The following PANK4 variants were observed in gnomAD, a reference collection of about 807,000 sequenced individuals.
PANK4 encodes the protein pantothenate kinase 4 (inactive).
PANK4 carries 40 observed loss-of-function variants against 87.9 expected under a neutral mutation model. That is an observed-to-expected ratio of 0.46 (90% CI 0.35 to 0.59). The LOEUF (loss-of-function observed/expected upper bound fraction) is 0.59, where lower values mean the gene tolerates loss of function less well. Ranked by LOEUF, PANK4 falls within the 20% of genes least tolerant of loss-of-function variation. PANK4 has a pLI of 0.00. For missense variants in PANK4, 926 were observed against 1,072.3 expected (o/e 0.86, Z 1.90); for synonymous variants, 524 against 467.4 (o/e 1.12, Z -1.56).
chr1:2,514,953 C>T (rs2100778107), intron 10 of PANK4, among the ~76,000 whole-genome samples: 1 of 152,204 alleles, frequency 6.6e-6, no homozygotes, highest in Admixed American at 6.5e-5. Flanking sequence ...TCTGGGCACT[C>T]AGAGCTCACT....
In PANK4 at chr1:2,512,662, G is replaced by A. The variant is rs1272169484; in HGVS notation, c.1727+226C>T. 1.1e-5 allele frequency: 6 copies of A among 553,398 alleles called. No individual in the cohort carries two copies. In the Admixed American group the frequency reaches 1.7e-4, roughly 16 times the overall value. 34.3% of individuals were successfully genotyped at this position (553,398 alleles called of 1,614,324 possible). A position where few individuals can be genotyped will look rare whatever the true frequency, so the allele number is the denominator to read the frequency against. On this transcript the variant is annotated intron_variant, in intron 13 of 18. Coordinates refer to ENST00000378466, the MANE Select transcript of PANK4 (RefSeq NM_018216.4). ...AGGCCTCTGCGGCACCCATGCTTAA[G>A]GAAGGGGCCTCCTCAGAACCTGAGG...
Position 2,510,610 on chromosome 1 carries a change from G to A in PANK4, c.1938+68C>T, listed in dbSNP as rs1363786006. On this transcript the variant is annotated intron_variant, in intron 16 of 18. Transcript: ENST00000378466. The surrounding 1 kb of genome is among the most constrained non-coding windows in gnomAD (Gnocchi z 4.9). ...CCCCGACCACCGCCAGAGGCCCACAGCGGCGCCAACCCCACCGAGAGCAGA... is the reference window on the plus strand; with the variant it reads ...CCCCGACCACCGCCAGAGGCCCACAACGGCGCCAACCCCACCGAGAGCAGA... 2 of 932,350 alleles carry A rather than the reference G, an allele frequency of 2.1e-6. No homozygotes were observed. The highest frequency in any genetic ancestry group is 3.5e-6 in the Non-Finnish European group (2 of 578,702). The allele number at this position is 932,350 out of a possible 1,614,324, so 57.8% of individuals were successfully genotyped here.
chr1:2,521,528 C>A, intron 2 of PANK4, 190 bp downstream of exon 2: 1 of 696,634 alleles, frequency 1.4e-6, no homozygotes, highest in Admixed American at 2.1e-5. Context: ...GGAGCACAGG[C>A]GGGCGCAGGT....
At position 2,510,810 on chromosome 1, in the gene PANK4, T is replaced by C. The variant is rs780348771; in HGVS notation, c.1834-28A>G. On this transcript the variant is annotated intron_variant, in intron 15 of 18. Transcript: ENST00000378466. This position sits in a 1 kb window ranked among gnomAD's most constrained non-coding sequence, Gnocchi z 4.9. The stretch of plus-strand genomic sequence containing the variant: ...GTAAGACAAAACCAGGACGTTCAGT[T>C]GGGAACAGGCGCATCCAAGCGAGTC... 7 of 1,342,912 alleles carry C rather than the reference T, an allele frequency of 5.2e-6. No homozygotes were observed. Among genetic ancestry groups the C allele is most frequent in the Non-Finnish European group, 7.5e-6 (7 of 933,636 alleles). The allele number at this position is 1,342,912 out of a possible 1,614,324, so 83.2% of individuals were successfully genotyped here.
chr1:2,515,996 A>C lies in PANK4; in HGVS notation c.1219-279T>G. On this transcript the variant is annotated intron_variant, in intron 9 of 18. Transcript: ENST00000378466. This position sits in a 1 kb window ranked among gnomAD's most constrained non-coding sequence, Gnocchi z 5.0. ...TCCCCGCTGCAGCCACACCTCCCCA[A>C]TCACCGCTGCAGTCACCCTCCCATC... The C allele has an allele frequency of 2.9e-5, 15 of 509,726 alleles. No individual in the cohort carries two copies. Among genetic ancestry groups the C allele is most frequent in the East Asian group, 7.0e-5 (2 of 28,754 alleles). 31.6% of individuals were successfully genotyped at this position (509,726 alleles called of 1,614,324 possible).
intron 1 of PANK4, among the ~76,000 whole-genome samples, chr1:2,522,690 G>A (rs571920650): frequency 1.3e-5 from 2 of 152,390 alleles, no homozygotes; most frequent in Admixed American, 6.5e-5. Flanking sequence ...TGCATTGCGC[G>A]GTGCTACAGT....
intron 2 of PANK4, 91 bp downstream of exon 2, chr1:2,521,627 A>C: frequency 9.8e-7 from 1 of 1,023,026 alleles, no homozygotes; most frequent in Non-Finnish European, 1.6e-6. Flanking sequence ...CGAGGTCTGC[A>C]GCAGCAGAGG....
In PANK4 at chr1:2,509,782, G is replaced by A. The variant is rs570663237; in HGVS notation, c.2108+80C>T. On this transcript the variant is annotated intron_variant, in intron 18 of 18. Coordinates refer to ENST00000378466, the MANE Select transcript of PANK4 (RefSeq NM_018216.4). The surrounding 1 kb of genome is among the most constrained non-coding windows in gnomAD (Gnocchi z 4.9). ...GGGGCAGTCCTGAGGTCGGTGTCCC[G>A]CATGCACCTGGGTGCAGGTGCACGG... 5.6e-5 allele frequency: 71 copies of A among 1,267,984 alleles called. No homozygotes were observed. In the African/African-American group the frequency reaches 8.8e-4, roughly 16 times the overall value. 78.5% of individuals were successfully genotyped at this position (1,267,984 alleles called of 1,614,324 possible).
chr1:2,510,114 G>C lies in PANK4; in HGVS notation c.1982C>G (p.Thr661Ser), dbSNP rs1423078308. The C allele has an allele frequency of 6.2e-7, 1 of 1,610,846 alleles. No individual in the cohort carries two copies. The highest frequency in any genetic ancestry group is 2.2e-5 in the East Asian group (1 of 44,726). ...TGCCACGATGAGGGACTCGCTGTGG[G>C]TCACGTCGTTCAGGGCGGGGCCTGA... ...CNSGPALNDV[T>S]HSESLIVAER... Residue 661 changes from threonine (T) to serine (S), a missense_variant, in exon 17 of 19, where the codon ACC (threonine) becomes AGC (serine). Coordinates refer to ENST00000378466, the MANE Select transcript of PANK4 (RefSeq NM_018216.4). This position sits in a 1 kb window ranked among gnomAD's most constrained non-coding sequence, Gnocchi z 4.9.
Position 2,508,753 on chromosome 1 carries a change from A to G in PANK4, c.*94T>C, listed in dbSNP as rs1643609999. On this transcript the variant is annotated 3_prime_UTR_variant, in exon 19 of 19. Coordinates refer to ENST00000378466, the MANE Select transcript of PANK4 (RefSeq NM_018216.4). The surrounding 1 kb of genome is among the most constrained non-coding windows in gnomAD (Gnocchi z 5.1). Reference sequence around the variant, plus strand: ...GTATGTGCCGCGTCACAGCAGTACCATATAAATACGTTGATTTGAACGCAG... The same window carrying G: ...GTATGTGCCGCGTCACAGCAGTACCGTATAAATACGTTGATTTGAACGCAG... 3.9e-6 allele frequency: 3 copies of G among 774,252 alleles called. No individual in the cohort carries two copies. The highest frequency in any genetic ancestry group is 1.6e-5 in the South Asian group (1 of 61,092). 48.0% of individuals were successfully genotyped at this position (774,252 alleles called of 1,614,324 possible).
chr1:2,509,994 CA>C lies in PANK4; in HGVS notation c.2039+62del. 1.3e-6 allele frequency: 2 copies of C among 1,577,854 alleles called. No homozygotes were observed. Among genetic ancestry groups the C allele is most frequent in the South Asian group, 2.3e-5 (2 of 88,352 alleles). ...CAGTTCAGTGACAATCCCCATGGCC[CA>C]CTCTGCCCAGCTGGTGCCCCTCCCC... On this transcript the variant is annotated intron_variant, in intron 17 of 18. Coordinates refer to ENST00000378466, the MANE Select transcript of PANK4 (RefSeq NM_018216.4). The surrounding 1 kb of genome is among the most constrained non-coding windows in gnomAD (Gnocchi z 4.9).
At position 2,509,776 on chromosome 1, in the gene PANK4, T is replaced by C. The variant is rs1040081240; in HGVS notation, c.2108+86A>G. On this transcript the variant is annotated intron_variant, in intron 18 of 18. Transcript: ENST00000378466. The surrounding 1 kb of genome is among the most constrained non-coding windows in gnomAD (Gnocchi z 4.9). Reference sequence around the variant, plus strand: ...GCCGCAGGGGCAGTCCTGAGGTCGGTGTCCCGCATGCACCTGGGTGCAGGT... The same window carrying C: ...GCCGCAGGGGCAGTCCTGAGGTCGGCGTCCCGCATGCACCTGGGTGCAGGT... 2 of 1,197,836 alleles carry C rather than the reference T, an allele frequency of 1.7e-6. No individual in the cohort carries two copies. Among genetic ancestry groups the C allele is most frequent in the Non-Finnish European group, 2.5e-6 (2 of 815,844 alleles). The allele number at this position is 1,197,836 out of a possible 1,614,324, so 74.2% of individuals were successfully genotyped here. A position where few individuals can be genotyped will look rare whatever the true frequency, so the allele number is the denominator to read the frequency against.
chr1:2,520,548 C>T lies in PANK4; in HGVS notation c.607-134G>A, dbSNP rs1225341533. Reference sequence around the variant, plus strand: ...CCGCCAGTGGGAGGACTCTCATGGCCAAGCCTGGGGGCGCTGATGCCCCTC... The same window carrying T: ...CCGCCAGTGGGAGGACTCTCATGGCTAAGCCTGGGGGCGCTGATGCCCCTC... On this transcript the variant is annotated intron_variant, in intron 4 of 18. Transcript: ENST00000378466. This position sits in a 1 kb window ranked among gnomAD's most constrained non-coding sequence, Gnocchi z 6.2. The T allele has an allele frequency of 4.2e-6, 4 of 952,680 alleles. No individual in the cohort carries two copies. Among genetic ancestry groups the T allele is most frequent in the Admixed American group, 2.2e-5 (1 of 44,458 alleles). 59.0% of individuals were successfully genotyped at this position (952,680 alleles called of 1,614,324 possible). A position where few individuals can be genotyped will look rare whatever the true frequency, so the allele number is the denominator to read the frequency against.
At chr1:2,512,070 C>T (rs572977074) in intron 13 of PANK4, among the ~76,000 whole-genome samples, 26 of 152,226 alleles carry the variant, frequency 1.7e-4, no homozygotes, top group African/African-American at 4.8e-4. Flanking sequence ...CTCGGAGCCA[C>T]GGGGCCAGGG....
In PANK4 at chr1:2,519,286, T is replaced by G. The variant is rs1343396983; in HGVS notation, c.892A>C (p.Met298Leu). Residue 298 changes from methionine to leucine, a missense_variant, in exon 7 of 19, where the codon ATG becomes CTG. Coordinates refer to ENST00000378466, the MANE Select transcript of PANK4 (RefSeq NM_018216.4). This position sits in a 1 kb window ranked among gnomAD's most constrained non-coding sequence, Gnocchi z 8.3. The part of the protein sequence containing the change: ...KEDMAKSLLH[M>L]ISNDIGQLAC... Reference sequence around the variant, plus strand: ...AGCTGCCCAATGTCGTTGCTGATCATGTGCAGCAGGCTCTTCGCCATGTCT... The same window carrying G: ...AGCTGCCCAATGTCGTTGCTGATCAGGTGCAGCAGGCTCTTCGCCATGTCT... 6.2e-7 allele frequency: 1 copy of G among 1,611,380 alleles called. No individual in the cohort carries two copies.
intron 11 of PANK4, 93 bp downstream of exon 11, chr1:2,514,261 G>A: frequency 8.5e-7 from 1 of 1,173,930 alleles, no homozygotes; most frequent in Non-Finnish European, 1.3e-6. Flanking sequence ...CAGCGAGCTG[G>A]GGTCCGAATG....
chr1:2,509,762 A>G lies in PANK4; in HGVS notation c.2108+100T>C. 1 of 1,003,326 alleles carries G rather than the reference A, an allele frequency of 1.0e-6. No individual in the cohort carries two copies. 62.2% of individuals were successfully genotyped at this position (1,003,326 alleles called of 1,614,324 possible). A position where few individuals can be genotyped will look rare whatever the true frequency, so the allele number is the denominator to read the frequency against. On this transcript the variant is annotated intron_variant, in intron 18 of 18. Transcript: ENST00000378466. The surrounding 1 kb of genome is among the most constrained non-coding windows in gnomAD (Gnocchi z 4.9). ...TGGGGTCAGGAGAGGCCGCAGGGGC[A>G]GTCCTGAGGTCGGTGTCCCGCATGC...
intron 1 of PANK4, among the ~76,000 whole-genome samples, chr1:2,522,750 C>A (rs1440115984): frequency 1.6e-5 from 1 of 62,670 alleles, no homozygotes; most frequent in African/African-American, 6.0e-5. Context: ...CGGAGGGCAC[C>A]GTGTGTGTTA....
At position 2,508,615 on chromosome 1, in the gene PANK4, T is replaced by A. The variant is rs1407270624; in HGVS notation, c.*232A>T. On this transcript the variant is annotated 3_prime_UTR_variant, in exon 19 of 19. Transcript: ENST00000378466. This position sits in a 1 kb window ranked among gnomAD's most constrained non-coding sequence, Gnocchi z 5.1. ...ATACCTGTATAGATCTCTCTATTTA[T>A]ATATATATATATATAAAAGGTTCTT... 4.1e-6 allele frequency: 1 copy of A among 244,838 alleles called. No homozygotes were observed. Among genetic ancestry groups the A allele is most frequent in the African/African-American group, 2.3e-5 (1 of 42,996 alleles). 15.2% of individuals were successfully genotyped at this position (244,838 alleles called of 1,614,324 possible).
Sources: allele counts gnomAD v4.1 joint callset (sites outside exome capture counted in the v4.1 genomes callset), GRCh38; gene constraint gnomAD v4.1.1; non-coding constraint Gnocchi (gnomAD v3.1); transcripts MANE v1.5; gene names NCBI Gene and HGNC (gene_info 2026-07-23, HGNC 2026-07-21).